PTPRA: variants seen among roughly 807,000 people sequenced by gnomAD.
PTPRA encodes the protein receptor-type tyrosine-protein phosphatase alpha.
A neutral mutation model predicts 104.8 loss-of-function variants in PTPRA; 25 were observed. The observed-to-expected ratio is 0.24, with a 90% CI of 0.17 to 0.33. PTPRA has a LOEUF of 0.33. PTPRA is among the 10% of genes least tolerant of loss of function. PTPRA has a pLI of 1.00. For missense variants in PTPRA, 765 were observed against 1,015.3 expected (o/e 0.75, Z 3.35); for synonymous variants, 323 against 368.9 (o/e 0.88, Z 1.43).
intron 9 of PTPRA, among the ~76,000 whole-genome samples, chr20:2,991,488 A>G (rs1204088591): frequency 3.3e-5 from 5 of 152,162 alleles, no homozygotes; most frequent in African/African-American, 4.8e-5. Flanking sequence ...CTTCTGGGTG[A>G]TGGGGTATGT....
At chr20:2,878,584 T>A (rs972603689) in intron 1 of PTPRA, among the ~76,000 whole-genome samples, 1 of 152,190 alleles carries the variant, frequency 6.6e-6, no homozygotes, top group African/African-American at 2.4e-5. Context: ...ATGGTACTTT[T>A]ATACCCCTTG....
intron 6 of PTPRA, among the ~76,000 whole-genome samples, chr20:2,985,323 A>G (rs1389178699): frequency 1.3e-5 from 2 of 152,250 alleles, no homozygotes; most frequent in Non-Finnish European, 2.9e-5. Context: ...TCGGAAAGTC[A>G]GCTGAGAAGA....
At chr20:2,937,273 T>G (rs992692330) in intron 2 of PTPRA, among the ~76,000 whole-genome samples, 5 of 151,862 alleles carry the variant, frequency 3.3e-5, no homozygotes, top group Admixed American at 3.3e-4. Flanking sequence ...TACAGGTGCA[T>G]GCCACCACAC....
chr20:2,932,451 G>A (rs182257044), intron 2 of PTPRA, among the ~76,000 whole-genome samples: 2 of 152,244 alleles, frequency 1.3e-5, no homozygotes, highest in Non-Finnish European at 2.9e-5. Flanking sequence ...TGTAAACAAA[G>A]GGGTATGAGG....
chr20:2,982,349 A>C (rs1406696187), intron 6 of PTPRA, among the ~76,000 whole-genome samples: 1 of 152,074 alleles, frequency 6.6e-6, no homozygotes, highest in East Asian at 1.9e-4. Context: ...GGCCTCCCAA[A>C]GTGCTGGGAT....
At chr20:2,938,470 G>A (rs1487100307) in intron 2 of PTPRA, among the ~76,000 whole-genome samples, 1 of 151,986 alleles carries the variant, frequency 6.6e-6, no homozygotes, top group Non-Finnish European at 1.5e-5. Flanking sequence ...ACAGATGCGA[G>A]CCACCGTACC....
chr20:2,910,691 C>A (rs886150709), intron 1 of PTPRA, among the ~76,000 whole-genome samples: 2 of 144,236 alleles, frequency 1.4e-5, no homozygotes, highest in African/African-American at 5.1e-5. Flanking sequence ...ACTGCAAGCT[C>A]CGCCTCCCGG....
At position 3,022,253 on chromosome 20, in the gene PTPRA, C is replaced by T. The variant is rs1328037987; in HGVS notation, c.1328+33C>T. ...TGGCCTGACCCTTGTACCCCCACCC[C>T]CACATTTCGCCCCCATGGCCAGAGC... On this transcript the variant is annotated intron_variant, in intron 15 of 23. Transcript: ENST00000399903. The surrounding 1 kb of genome is among the most constrained non-coding windows in gnomAD (Gnocchi z 4.6). 4 of 1,608,414 alleles carry T rather than the reference C, an allele frequency of 2.5e-6. No homozygotes were observed. The African/African-American group carries it at 5.3e-5, about 21-fold the overall frequency.
chr20:2,924,439 AAC>A (rs2060219284), intron 2 of PTPRA, among the ~76,000 whole-genome samples: 1 of 152,174 alleles, frequency 6.6e-6, no homozygotes, highest in African/African-American at 2.4e-5. Context: ...CACTATTGAT[AAC>A]ATGGAATTTT....
In PTPRA at chr20:3,022,063, A is replaced by C. The variant is rs775582625; in HGVS notation, c.1171A>C (p.Met391Leu). ...RKFCIQQVGD[M>L]TNRKPQRLIT... ...TCTCCTCACTTCACAGGTGGGCGAC[A>C]TGACCAACAGAAAGCCACAGCGCCT... Residue 391 changes from methionine to leucine, a missense_variant, in exon 15 of 24, where the codon ATG becomes CTG. Around this residue, in one of 4 missense-constraint regions of PTPRA, gnomAD observed 245 missense variants for 398.7 expected, o/e 0.61. Transcript: ENST00000399903. This position sits in a 1 kb window ranked among gnomAD's most constrained non-coding sequence, Gnocchi z 4.6. 1 of 1,614,180 alleles carries C rather than the reference A, an allele frequency of 6.2e-7. No homozygotes were observed. Among genetic ancestry groups the C allele is most frequent in the South Asian group, 1.1e-5 (1 of 91,082 alleles).
At chr20:2,911,042 C>A (rs1445163181) in intron 1 of PTPRA, among the ~76,000 whole-genome samples, 1 of 151,504 alleles carries the variant, frequency 6.6e-6, no homozygotes, top group Non-Finnish European at 1.5e-5. Flanking sequence ...AGGTATGAGC[C>A]ACTTTGCCTG....
rs773454161 is a variant in PTPRA at position 3,035,946 on chromosome 20, G to A, written c.2198+5G>A. On this transcript the variant is annotated splice_donor_5th_base_variant and intron_variant, in intron 22 of 23. Coordinates refer to ENST00000399903, the MANE Select transcript of PTPRA (RefSeq NM_001385305.1). This position sits in a 1 kb window ranked among gnomAD's most constrained non-coding sequence, Gnocchi z 5.8. ...CCCCATCACCGTGCACTGCAGGTAT[G>A]GCTCACCCTTGCCCTCAGCGGGAGA... 6 of 1,613,374 alleles carry A rather than the reference G, an allele frequency of 3.7e-6. No homozygotes were observed. Among genetic ancestry groups the A allele is most frequent in the Non-Finnish European group, 5.1e-6 (6 of 1,180,038 alleles).
chr20:2,933,512 A>G (rs2060580411), intron 2 of PTPRA, among the ~76,000 whole-genome samples: 1 of 151,744 alleles, frequency 6.6e-6, no homozygotes, highest in African/African-American at 2.4e-5. Context: ...CCAGGCTGGA[A>G]TGCAGTGGTG....
chr20:2,870,489 A>G (rs1245034896), upstream of PTPRA, among the ~76,000 whole-genome samples: 1 of 152,048 alleles, frequency 6.6e-6, no homozygotes, highest in African/African-American at 2.4e-5. Context: ...CATTTAGGAA[A>G]TTTTCTTGTT....
At position 3,027,147 on chromosome 20, in the gene PTPRA, G is replaced by T; in HGVS notation, c.1735G>T (p.Val579Phe). The T allele has an allele frequency of 6.2e-7, 1 of 1,614,190 alleles. No homozygotes were observed. The highest frequency in any genetic ancestry group is 1.1e-5 in the South Asian group (1 of 91,084). The part of the protein sequence containing the change: ...PYEFNRVIIP[V>F]KRGEENTDYV... Reference sequence around the variant, plus strand: ...TGAATTCAACAGAGTGATCATTCCAGTTAAGCGGGGCGAAGAGAATACAGA... The same window carrying T: ...TGAATTCAACAGAGTGATCATTCCATTTAAGCGGGGCGAAGAGAATACAGA... Residue 579 changes from valine (V) to phenylalanine (F), a missense_variant, in exon 19 of 24, where the codon GTT becomes TTT. This residue lies in a region of PTPRA where 192 missense variants were observed against 227.0 expected (regional missense o/e 0.85). Coordinates refer to ENST00000399903, the MANE Select transcript of PTPRA (RefSeq NM_001385305.1).
intron 13 of PTPRA, among the ~76,000 whole-genome samples, chr20:3,018,973 G>A (rs1343607836): frequency 3.6e-5 from 5 of 137,022 alleles, no homozygotes; most frequent in Non-Finnish European, 6.4e-5. Flanking sequence ...GGCTGGCCGG[G>A]CAGGGGGCTG....
chr20:3,021,382 T>G lies in PTPRA; in HGVS notation c.1115T>G (p.Val372Gly). ...AATATTCGGGTGTCTGTAGAGGATG[T>G]GACTGTCCTGGTGGACTACACAGTA... ...YGNIRVSVED[V>G]TVLVDYTVRK... The change falls in exon 14 of 24, where the codon GTG becomes GGG. Residue 372 changes from valine (V) to glycine (G), a missense_variant. Physicochemically the swap from Val to Gly is moderately radical, Grantham distance 109 (BLOSUM62 -3). Transcript: ENST00000399903. The G allele has an allele frequency of 1.2e-6, 2 of 1,614,136 alleles. No homozygotes were observed. Among genetic ancestry groups the G allele is most frequent in the Non-Finnish European group, 1.7e-6 (2 of 1,179,982 alleles).
chr20:3,006,908 G>A (rs2063900669), intron 10 of PTPRA, among the ~76,000 whole-genome samples: 1 of 152,160 alleles, frequency 6.6e-6, no homozygotes, highest in African/African-American at 2.4e-5. Context: ...AGGATTATAG[G>A]CGTGACCCAC....
At chr20:3,023,614 G>C (rs992004603) in intron 16 of PTPRA, among the ~76,000 whole-genome samples, 1 of 152,164 alleles carries the variant, frequency 6.6e-6, no homozygotes, top group Admixed American at 6.5e-5. Flanking sequence ...ACTTATTTAT[G>C]ACACAGAGTC....
Sources: allele counts gnomAD v4.1 joint callset (sites outside exome capture counted in the v4.1 genomes callset), GRCh38; gene constraint gnomAD v4.1.1; regional missense constraint gnomAD v4.1.1; non-coding constraint Gnocchi (gnomAD v3.1); transcripts MANE v1.5; gene names NCBI Gene and HGNC (gene_info 2026-07-23, HGNC 2026-07-21).